The following ROBO2 variants were observed in gnomAD, a reference collection of about 807,000 sequenced individuals.
ROBO2 encodes roundabout guidance receptor 2.
In ROBO2, 53 loss-of-function variants were observed where a neutral mutation model predicts 160.8. The observed-to-expected ratio is 0.33, with a 90% CI of 0.26 to 0.41. The LOEUF is 0.41. Ranked by LOEUF, ROBO2 falls within the 10% of genes least tolerant of loss-of-function variation. The pLI is 1.00. For missense variants in ROBO2, 1,577 were observed against 1,722.4 expected, an observed-to-expected ratio of 0.92 and a Z score of 1.49; for synonymous variants, 664 against 611.7, an observed-to-expected ratio of 1.09 and a Z score of -1.26.
intron 2 of ROBO2, among the ~76,000 whole-genome samples, chr3:76,141,487 A>G (rs1457229679): frequency 6.6e-6 from 1 of 151,760 alleles, no homozygotes; most frequent in Non-Finnish European, 1.5e-5. Flanking sequence ...TAATTAAAAA[A>G]ATCCTAGCAA....
chr3:77,035,004 C>T (rs59633254), upstream of ROBO2, among the ~76,000 whole-genome samples: 19,896 of 151,630 alleles, frequency 0.13, 1,396 homozygotes, highest in African/African-American at 0.17. Flanking sequence ...AAATAATGGG[C>T]AGGAAAAAAA....
chr3:77,626,194 A>G (rs2095021347), intron 23 of ROBO2, among the ~76,000 whole-genome samples: 1 of 152,210 alleles, frequency 6.6e-6, no homozygotes, highest in Admixed American at 6.5e-5. Context: ...AAATATGTAT[A>G]CAAGCACAAC....
chr3:77,346,721 T>C (rs1264202805), intron 2 of ROBO2, among the ~76,000 whole-genome samples: 1 of 152,130 alleles, frequency 6.6e-6, no homozygotes, highest in African/African-American at 2.4e-5. Flanking sequence ...TCTTGGTAGC[T>C]GTGGGCTGGG....
intron 2 of ROBO2, among the ~76,000 whole-genome samples, chr3:76,988,427 T>C (rs2060499313): frequency 6.6e-6 from 1 of 152,208 alleles, no homozygotes; most frequent in South Asian, 2.1e-4. Context: ...CAATAATTTA[T>C]ATAACTTGTA....
At chr3:76,476,022 G>A (rs2078915001) in intron 2 of ROBO2, among the ~76,000 whole-genome samples, 1 of 152,010 alleles carries the variant, frequency 6.6e-6, no homozygotes, top group South Asian at 2.1e-4. Flanking sequence ...GTGTGCTGGT[G>A]GTCGCCTGTA....
intron 20 of ROBO2, among the ~76,000 whole-genome samples, chr3:77,607,033 A>T (rs2153695615): frequency 6.6e-6 from 1 of 152,314 alleles, no homozygotes; most frequent in East Asian, 1.9e-4. Context: ...TTTATATTTC[A>T]TTAAGCTCCA....
chr3:76,294,027 G>A (rs1708943003), intron 2 of ROBO2, among the ~76,000 whole-genome samples: 1 of 152,162 alleles, frequency 6.6e-6, no homozygotes, highest in African/African-American at 2.4e-5. Flanking sequence ...AAGTCCAGAG[G>A]GGGCCGAGGC....
chr3:77,477,303 C>G, intron 2 of ROBO2, 111 bp from the exon 3 acceptor site: 1 of 1,079,746 alleles, frequency 9.3e-7, no homozygotes, highest in African/African-American at 1.6e-5. Flanking sequence ...CAGTAAAAAT[C>G]CAGGCAATTT....
At chr3:76,765,954 C>T (rs2061556491) in intron 2 of ROBO2, among the ~76,000 whole-genome samples, 1 of 151,712 alleles carries the variant, frequency 6.6e-6, no homozygotes, top group Non-Finnish European at 1.5e-5. Context: ...CAGATCCCAA[C>T]TTTATTTGCA....
chr3:77,608,376 C>T (rs2153696456), intron 21 of ROBO2, among the ~76,000 whole-genome samples: 1 of 152,306 alleles, frequency 6.6e-6, no homozygotes, highest in South Asian at 2.1e-4. Context: ...CACTGTAGAG[C>T]ACCATCACAA....
chr3:76,706,060 G>A (rs2093155780), intron 2 of ROBO2, among the ~76,000 whole-genome samples: 1 of 151,904 alleles, frequency 6.6e-6, no homozygotes, highest in Non-Finnish European at 1.5e-5. Flanking sequence ...AGCTTTTATA[G>A]TAATCCATAG....
In ROBO2 at chr3:76,412,836, T is replaced by C. The variant is rs565239784; in HGVS notation, c.109+475234T>C. On this transcript the variant is annotated intron_variant, in intron 2 of 26. Coordinates refer to the ROBO2 transcript ENST00000487694. ...TCAGTGAATCTACCATTCTGGGGTC[T>C]GCAGGACAATGGCCCTCTTCTCACA... Among the ~76,000 whole-genome samples the C allele has an allele frequency of 3.3e-5, 5 of 152,324 alleles. No homozygotes were observed. The South Asian group carries it at 1.0e-3, about 32-fold the overall frequency.
At chr3:76,639,713 G>A (rs1310313887) in intron 2 of ROBO2, among the ~76,000 whole-genome samples, 3 of 152,056 alleles carry the variant, frequency 2.0e-5, no homozygotes, top group Non-Finnish European at 2.9e-5. Context: ...CATCTCACAC[G>A]AATACATGAT....
At chr3:76,507,874 T>A (rs151227268) in intron 2 of ROBO2, among the ~76,000 whole-genome samples, 4 of 152,258 alleles carry the variant, frequency 2.6e-5, no homozygotes, top group African/African-American at 9.6e-5. Context: ...GATCTGTCTC[T>A]TTCATAGGAA....
chr3:76,485,703 T>C (rs1355743789), intron 2 of ROBO2, among the ~76,000 whole-genome samples: 3 of 152,226 alleles, frequency 2.0e-5, no homozygotes, highest in Non-Finnish European at 4.4e-5. Context: ...TTGCTGTTTG[T>C]ACTGAAGTAA....
chr3:76,049,304 G>A (rs1166003781), intron 2 of ROBO2, among the ~76,000 whole-genome samples: 1 of 149,680 alleles, frequency 6.7e-6, no homozygotes, highest in Admixed American at 6.7e-5. Flanking sequence ...ACGACCTCTT[G>A]GGCTCAAGCA....
intron 2 of ROBO2, among the ~76,000 whole-genome samples, chr3:76,233,824 CTTTTA>C (rs1001498330): frequency 5.9e-5 from 9 of 152,124 alleles, no homozygotes; most frequent in Middle Eastern, 3.4e-3. Context: ...TTGTTTTTAA[CTTTTA>C]TTTTAGGTTT....
intron 2 of ROBO2, among the ~76,000 whole-genome samples, chr3:76,091,671 A>C (rs2069242166): frequency 6.6e-6 from 1 of 152,244 alleles, no homozygotes; most frequent in Non-Finnish European, 1.5e-5. Flanking sequence ...ATTTGGAAGC[A>C]ACTAAGATTT....
At chr3:77,419,796 T>G (rs1222735738) in intron 2 of ROBO2, among the ~76,000 whole-genome samples, 1 of 152,090 alleles carries the variant, frequency 6.6e-6, no homozygotes, top group Non-Finnish European at 1.5e-5. Context: ...ACTGAAGAAC[T>G]TCTCAAAAAT....
Sources: allele counts gnomAD v4.1 joint callset (sites outside exome capture counted in the v4.1 genomes callset), GRCh38; gene constraint gnomAD v4.1.1; transcripts MANE v1.5; gene names NCBI Gene and HGNC (gene_info 2026-07-23, HGNC 2026-07-21).